The following CDH4 variants were observed in gnomAD, a reference collection of about 807,000 sequenced individuals.
CDH4 encodes the protein cadherin 4.
Under a neutral mutation model 86.0 loss-of-function variants are expected in CDH4, and 33 were observed. The ratio of observed to expected loss-of-function variants is 0.38; its 90% CI spans 0.29 to 0.51. CDH4 has a LOEUF of 0.51. CDH4 is among the 20% of genes least tolerant of loss of function. CDH4 has a pLI of 0.86. For missense variants in CDH4, 1,114 were observed against 1,307.4 expected, an observed-to-expected ratio of 0.85 and a Z score of 2.28; for synonymous variants, 555 against 549.4, an observed-to-expected ratio of 1.01 and a Z score of -0.14.
At chr20:61,844,525 G>T in intron 4 of CDH4, 143 bp from the exon 5 acceptor site, 2 of 745,388 alleles carry the variant, frequency 2.7e-6, no homozygotes, top group African/African-American at 1.8e-5. Context: ...TCCCAAAGTG[G>T]ATGAAAGATC....
Position 61,623,044 on chromosome 20 carries a change from G to T in CDH4, c.170-120519G>T, listed in dbSNP as rs1257850008. ...CAACCAGTCATTTAAGACAGTCAGG[G>T]AAACAAACGGGGAGGTGCCTTAGAG... On this transcript the variant is annotated intron_variant, in intron 2 of 15. Coordinates refer to ENST00000614565, the MANE Select transcript of CDH4 (RefSeq NM_001794.5). The surrounding 1 kb of genome is among the most constrained non-coding windows in gnomAD (Gnocchi z 4.4). 6.6e-6 allele frequency among the ~76,000 whole-genome samples: 1 copy of T among 152,168 alleles called. No individual in the cohort carries two copies. Among genetic ancestry groups the T allele is most frequent in the Non-Finnish European group, 1.5e-5 (1 of 68,040 alleles).
intron 2 of CDH4, among the ~76,000 whole-genome samples, chr20:61,440,813 G>A (rs1486503744): frequency 6.6e-6 from 1 of 152,206 alleles, no homozygotes; most frequent in African/African-American, 2.4e-5. Context: ...GCTTCTCTGA[G>A]ACAGGCACAG....
chr20:61,309,025 C>T (rs1375833420), intron 2 of CDH4, among the ~76,000 whole-genome samples: 2 of 152,212 alleles, frequency 1.3e-5, no homozygotes, highest in Non-Finnish European at 2.9e-5. Flanking sequence ...TGCATGTTTT[C>T]GGGCCCAGAA....
At chr20:61,444,354 T>TG (rs2085332726) in intron 2 of CDH4, among the ~76,000 whole-genome samples, 5 of 124,216 alleles carry the variant, frequency 4.0e-5, no homozygotes, top group Admixed American at 9.0e-5. Context: ...TGTCTGTGTA[T>TG]ATTTTTGTGT....
In CDH4 at chr20:61,684,493, G is replaced by C. The variant is rs6061309; in HGVS notation, c.170-59070G>C. On this transcript the variant is annotated intron_variant, in intron 2 of 15. Transcript: ENST00000614565. The surrounding 1 kb of genome is among the most constrained non-coding windows in gnomAD (Gnocchi z 4.5). ...GCCTTGAGCCTGGGCAGAATTCGGAGGCAACCATCTCCTGGCCGCCTGTTC... is the reference window on the plus strand; with the variant it reads ...GCCTTGAGCCTGGGCAGAATTCGGACGCAACCATCTCCTGGCCGCCTGTTC... Among the ~76,000 whole-genome samples, 6,955 of 152,280 alleles carry C rather than the reference G, an allele frequency of 0.046. 302 individuals are homozygous for C. The highest frequency in any genetic ancestry group is 0.1 in the African/African-American group (4,245 of 41,548).
chr20:61,662,755 T>C (rs148551530), intron 2 of CDH4, among the ~76,000 whole-genome samples: 52 of 152,220 alleles, frequency 3.4e-4, no homozygotes, highest in South Asian at 2.3e-3. Flanking sequence ...CCAGCAAGAC[T>C]CGGGATGGCG....
chr20:61,440,161 G>A (rs1166672419), intron 2 of CDH4, among the ~76,000 whole-genome samples: 1 of 152,194 alleles, frequency 6.6e-6, no homozygotes, highest in African/African-American at 2.4e-5. Context: ...TCAAGAAAGT[G>A]CAGGAATTGC....
chr20:61,454,811 C>A (rs748076300), intron 2 of CDH4, among the ~76,000 whole-genome samples: 1 of 152,050 alleles, frequency 6.6e-6, no homozygotes, highest in Admixed American at 6.6e-5. Flanking sequence ...CTGTGGCAAA[C>A]GCAGGAGCCT....
At chr20:61,592,955 C>T (rs1240698834) in intron 2 of CDH4, among the ~76,000 whole-genome samples, 1 of 152,104 alleles carries the variant, frequency 6.6e-6, no homozygotes, top group Non-Finnish European at 1.5e-5. Flanking sequence ...GAAATGATCC[C>T]GGGTTACCTG....
Position 61,582,650 on chromosome 20 carries a change from G to C in CDH4, c.170-160913G>C, listed in dbSNP as rs2086438349. Among the ~76,000 whole-genome samples, 1 of 152,162 alleles carries C rather than the reference G, an allele frequency of 6.6e-6. No homozygotes were observed. Among genetic ancestry groups the C allele is most frequent in the Non-Finnish European group, 1.5e-5 (1 of 68,034 alleles). The stretch of plus-strand genomic sequence containing the variant: ...CCTGGTGCGGTGGAGCCCAGGCAGT[G>C]CTCCCTGCACCTGTCAGGAGCCTGT... On this transcript the variant is annotated intron_variant, in intron 2 of 15. Transcript: ENST00000614565. The surrounding 1 kb of genome is among the most constrained non-coding windows in gnomAD (Gnocchi z 4.2).
At chr20:61,798,187 C>T (rs1165720352) in intron 4 of CDH4, among the ~76,000 whole-genome samples, 1 of 152,154 alleles carries the variant, frequency 6.6e-6, no homozygotes, top group Non-Finnish European at 1.5e-5. Context: ...CCGCCCCGCC[C>T]GGCCCTGCCC....
chr20:61,663,723 A>G lies in CDH4; in HGVS notation c.170-79840A>G, dbSNP rs940384778. Reference sequence around the variant, plus strand: ...GCGGTACTGAGGAAGGACGTGCAGAACCAGGCAGGGCTGACAGACGCGGGG... The same window carrying G: ...GCGGTACTGAGGAAGGACGTGCAGAGCCAGGCAGGGCTGACAGACGCGGGG... On this transcript the variant is annotated intron_variant, in intron 2 of 15. Coordinates refer to ENST00000614565, the MANE Select transcript of CDH4 (RefSeq NM_001794.5). This position sits in a 1 kb window ranked among gnomAD's most constrained non-coding sequence, Gnocchi z 5.0. Among the ~76,000 whole-genome samples, 4 of 152,052 alleles carry G rather than the reference A, an allele frequency of 2.6e-5. No homozygotes were observed. Among genetic ancestry groups the G allele is most frequent in the African/African-American group, 9.7e-5 (4 of 41,388 alleles).
intron 2 of CDH4, among the ~76,000 whole-genome samples, chr20:61,289,230 C>T (rs2084308751): frequency 6.6e-6 from 1 of 152,194 alleles, no homozygotes. Context: ...GAGCGGCGTG[C>T]TCCCAGCTCC....
intron 2 of CDH4, among the ~76,000 whole-genome samples, chr20:61,640,912 G>T (rs149704159): frequency 1.3e-5 from 2 of 152,320 alleles, no homozygotes; most frequent in South Asian, 2.1e-4. Flanking sequence ...GCTCTGAGAT[G>T]GGGGAAGCGA....
At chr20:61,858,175 G>GTA (rs1162797940) in intron 6 of CDH4, among the ~76,000 whole-genome samples, 2 of 119,590 alleles carry the variant, frequency 1.7e-5, no homozygotes, top group Non-Finnish European at 3.5e-5. Flanking sequence ...CTGTGTGTCT[G>GTA]TGTGTGTCTC....
chr20:61,313,098 A>G (rs1264417235), intron 2 of CDH4, among the ~76,000 whole-genome samples: 2 of 152,210 alleles, frequency 1.3e-5, no homozygotes, highest in African/African-American at 4.8e-5. Context: ...TGCATAGAAC[A>G]GGCTGGCTCT....
At chr20:61,542,466 G>A (rs1012498937) in intron 2 of CDH4, among the ~76,000 whole-genome samples, 5 of 152,132 alleles carry the variant, frequency 3.3e-5, no homozygotes, top group East Asian at 1.9e-4. Flanking sequence ...TTATTTCATC[G>A]CTTTAATCTG....
chr20:61,480,701 G>C lies in CDH4; in HGVS notation c.169+225764G>C, dbSNP rs1335054340. Among the ~76,000 whole-genome samples the C allele has an allele frequency of 6.6e-6, 1 of 152,226 alleles. No homozygotes were observed. Among genetic ancestry groups the C allele is most frequent in the Non-Finnish European group, 1.5e-5 (1 of 68,038 alleles). On this transcript the variant is annotated intron_variant, in intron 2 of 15. Coordinates refer to ENST00000614565, the MANE Select transcript of CDH4 (RefSeq NM_001794.5). The surrounding 1 kb of genome is among the most constrained non-coding windows in gnomAD (Gnocchi z 5.2). ...TGTGTGGGCATCCGGGTTGTGCCCT[G>C]GTAAGGCGTTGGAACGGCTGAGGCC...
chr20:61,662,264 G>T (rs562971122), intron 2 of CDH4, among the ~76,000 whole-genome samples: 1 of 152,204 alleles, frequency 6.6e-6, no homozygotes, highest in South Asian at 2.1e-4. Flanking sequence ...TGGTGAGAGC[G>T]CGTGGGAATG....
Sources: allele counts gnomAD v4.1 joint callset (sites outside exome capture counted in the v4.1 genomes callset), GRCh38; gene constraint gnomAD v4.1.1; non-coding constraint Gnocchi (gnomAD v3.1); transcripts MANE v1.5; gene names NCBI Gene and HGNC (gene_info 2026-07-23, HGNC 2026-07-21).